The following CEP95 variants were observed in gnomAD, a reference collection of about 807,000 sequenced individuals.
The protein encoded by CEP95 is centrosomal protein 95.
A neutral mutation model predicts 111.2 loss-of-function variants in CEP95; 98 were observed. The observed-to-expected ratio is 0.88, with a 90% CI of 0.75 to 1.04. The LOEUF (loss-of-function observed/expected upper bound fraction) is 1.04. CEP95 is among the 50% of genes least tolerant of loss of function. CEP95 has a pLI of 0.00. For missense variants in CEP95, 1,027 were observed against 977.2 expected (o/e 1.05, Z -0.68); for synonymous variants, 323 against 327.1 (o/e 0.99, Z 0.14).
Position 64,510,169 on chromosome 17 carries a change from C to A in CEP95, c.149-4C>A, listed in dbSNP as rs200062701. 6.6e-4 allele frequency: 1,034 copies of A among 1,575,266 alleles called. 8 individuals are homozygous for A. The African/African-American group carries it at 0.011, about 17-fold the overall frequency. ...CAAAATTATGTGATTTTTTCCCCCC[C>A]CAGACCTCATAGTTATTCCTAGGAG... On this transcript the variant is annotated splice_polypyrimidine_tract_variant and splice_region_variant and intron_variant, in intron 2 of 19. Coordinates refer to ENST00000556440, the MANE Select transcript of CEP95 (RefSeq NM_138363.3).
chr17:64,533,803 G>T lies in CEP95; in HGVS notation c.1917+612G>T, dbSNP rs1968453316. On this transcript the variant is annotated intron_variant, in intron 16 of 19. Coordinates refer to ENST00000556440, the MANE Select transcript of CEP95 (RefSeq NM_138363.3). The stretch of plus-strand genomic sequence containing the variant: ...GGGACACAGCTGAGATTTTAATCCA[G>T]TTCTGTCTGTGGACTCCATGGACCC... Among the ~76,000 whole-genome samples the T allele has an allele frequency of 2.6e-5, 4 of 152,148 alleles. 1 individual carries two copies. Among genetic ancestry groups the T allele is most frequent in the South Asian group, 4.1e-4 (2 of 4,826 alleles).
chr17:64,533,017 C>T lies in CEP95; in HGVS notation c.1842+9C>T. ...AGAAACTCCAAGATGAAGTAAGTTA[C>T]TGTCAGTCTTAAGCATAGGAATTTA... On this transcript the variant is annotated intron_variant, in intron 15 of 19. Transcript: ENST00000556440. The T allele has an allele frequency of 6.2e-7, 1 of 1,611,022 alleles. No homozygotes were observed. The highest frequency in any genetic ancestry group is 8.5e-7 in the Non-Finnish European group (1 of 1,179,098).
At position 64,525,835 on chromosome 17, in the gene CEP95, A is replaced by T; in HGVS notation, c.975A>T (p.Pro325=). 6.2e-7 allele frequency: 1 copy of T among 1,602,302 alleles called. No homozygotes were observed. ...LPKGSKWEVY[P]AQVQGPRTRK... ...AAGGCAGCAAATGGGAAGTATATCC[A>T]GCTCAGGTCCAAGGGCCTAGGACAA... Residue 325 remains proline, a synonymous_variant, in exon 9 of 20, where the codon CCA becomes CCT. Transcript: ENST00000556440.
Position 64,516,897 on chromosome 17 carries a change from C to T in CEP95, c.473+69C>T, listed in dbSNP as rs373974128. ...TTTTGGACTAAGAATTAAAATCACA[C>T]GTAATATACCAAGATGGCACCAAAA... is the stretch of plus-strand genomic sequence containing the variant. On this transcript the variant is annotated intron_variant, in intron 5 of 19. Transcript: ENST00000556440. 26 of 853,102 alleles carry T rather than the reference C, an allele frequency of 3.0e-5. No homozygotes were observed. The Middle Eastern group carries it at 8.1e-4, about 26-fold the overall frequency. The allele number at this position is 853,102 out of a possible 1,614,324, so 52.8% of individuals were successfully genotyped here.
chr17:64,514,310 T>C lies in CEP95; in HGVS notation c.319T>C (p.Leu107=). 6.6e-7 allele frequency: 1 copy of C among 1,520,102 alleles called. No homozygotes were observed. The allele number at this position is 1,520,102 out of a possible 1,614,324, so 94.2% of individuals were successfully genotyped here. A position where few individuals can be genotyped will look rare whatever the true frequency, so the allele number is the denominator to read the frequency against. The change falls in exon 4 of 20, where the codon TTG becomes CTG. Residue 107 remains leucine (L), a synonymous_variant. Coordinates refer to ENST00000556440, the MANE Select transcript of CEP95 (RefSeq NM_138363.3). ...IKNLLEIFDG[L]LEYLTERISE... is the part of the protein sequence containing the mutation. ...GAATCTCCTGGAAATATTTGATGGTTTGTTGGAGTATCTTACAGAACGCAT... is the reference window on the plus strand; with the variant it reads ...GAATCTCCTGGAAATATTTGATGGTCTGTTGGAGTATCTTACAGAACGCAT...
At chr17:64,528,468 TTAAAA>T (rs1968030005) in intron 11 of CEP95, among the ~76,000 whole-genome samples, 2 of 152,324 alleles carry the variant, frequency 1.3e-5, no homozygotes, top group Admixed American at 6.5e-5. Context: ...AGGTTATAAA[TTAAAA>T]TATTATTTCA....
chr17:64,536,539 A>T, intron 17 of CEP95, 63 bp from the exon 18 acceptor site: 1 of 1,241,894 alleles, frequency 8.1e-7, no homozygotes, highest in Non-Finnish European at 1.1e-6. Flanking sequence ...CAATCAGTAT[A>T]TACCTCTAGT....
chr17:64,523,805 C>T (rs2144459496), intron 8 of CEP95, among the ~76,000 whole-genome samples: 1 of 152,066 alleles, frequency 6.6e-6, no homozygotes. Flanking sequence ...TAGGCTGAGG[C>T]AGGAGGATCA....
chr17:64,509,904 T>C (rs1053027220), intron 2 of CEP95, among the ~76,000 whole-genome samples: 1 of 151,532 alleles, frequency 6.6e-6, no homozygotes, highest in Non-Finnish European at 1.5e-5. Context: ...TATCTATATA[T>C]CTATATATAT....
intron 8 of CEP95, among the ~76,000 whole-genome samples, chr17:64,524,561 T>A (rs1328758555): frequency 6.6e-6 from 1 of 152,156 alleles, no homozygotes; most frequent in Non-Finnish European, 1.5e-5. Flanking sequence ...CCTGCCTGCC[T>A]CTGCTTCCCA....
chr17:64,514,218 T>A, intron 3 of CEP95, 30 bp from the exon 4 acceptor site: 4 of 876,058 alleles, frequency 4.6e-6, no homozygotes, highest in South Asian at 1.7e-5. Context: ...CATGGTTAAA[T>A]TTTTTAATAG....
intron 12 of CEP95, among the ~76,000 whole-genome samples, chr17:64,530,547 C>T (rs748384652): frequency 1.1e-3 from 163 of 149,076 alleles, no homozygotes; most frequent in Middle Eastern, 3.4e-3. Flanking sequence ...TCACTCTTGC[C>T]GCCCAGGCTG....
chr17:64,511,632 C>T (rs564112261), intron 3 of CEP95, among the ~76,000 whole-genome samples: 3 of 152,186 alleles, frequency 2.0e-5, no homozygotes, highest in East Asian at 1.9e-4. Flanking sequence ...GTGCAGTTAA[C>T]GCAATTATCA....
At chr17:64,510,440 T>G (rs1483420234) in intron 3 of CEP95, among the ~76,000 whole-genome samples, 160 bp downstream of exon 3, 1 of 152,246 alleles carries the variant, frequency 6.6e-6, no homozygotes, top group Non-Finnish European at 1.5e-5. Context: ...GGTCCATACA[T>G]GAGAACTTTT....
intron 16 of CEP95, chr17:64,534,192 G>A (rs1203374142): frequency 5.1e-6 from 1 of 195,724 alleles, no homozygotes; most frequent in Non-Finnish European, 1.1e-5. Flanking sequence ...TCCTTTGTCA[G>A]ATACTGTCTA....
chr17:64,508,196 T>G, intron 1 of CEP95: 1 of 985,422 alleles, frequency 1.0e-6, no homozygotes, highest in Non-Finnish European at 1.2e-6. Flanking sequence ...GCAGCCTCCA[T>G]TAATGAGTTT....
At chr17:64,529,262 T>C (rs1968089075) in intron 11 of CEP95, 26 bp from the exon 12 acceptor site, 4 of 1,594,510 alleles carry the variant, frequency 2.5e-6, no homozygotes, top group East Asian at 2.2e-5. Flanking sequence ...CAGGAACTAA[T>C]GTTATATGTC....
chr17:64,527,031 T>G, intron 10 of CEP95, 80 bp from the exon 11 acceptor site: 1 of 1,166,780 alleles, frequency 8.6e-7, no homozygotes, highest in Non-Finnish European at 1.2e-6. Context: ...AAAGGAAGCT[T>G]TTTTAAAGGT....
At chr17:64,536,856 T>A in intron 18 of CEP95, 108 bp downstream of exon 18, 1 of 1,341,790 alleles carries the variant, frequency 7.5e-7, no homozygotes, top group Non-Finnish European at 1.0e-6. Flanking sequence ...AACTGAAGTT[T>A]GCACTCTACA....
Sources: gnomAD v4.1 joint callset for allele counts (sites outside exome capture counted in the v4.1 genomes callset) on GRCh38, gnomAD v4.1.1 for gene constraint, MANE v1.5 for transcripts, NCBI Gene and HGNC (gene_info 2026-07-23, HGNC 2026-07-21) for gene names.